Variants in NCALD observed in about 807,000 individuals in gnomAD.
NCALD encodes neurocalcin delta, also known as neurocalcin-delta.
A neutral mutation model predicts 18.6 loss-of-function variants in NCALD; 10 were observed. The observed-to-expected ratio is 0.54, with a 90% CI of 0.33 to 0.91. NCALD has a LOEUF of 0.91. Ranked by LOEUF, NCALD falls within the 40% of genes least tolerant of loss-of-function variation. NCALD has a pLI of 0.03. For synonymous variants in NCALD, 88 were observed against 87.4 expected (o/e 1.01, Z -0.04); for missense variants, 184 against 247.6 (o/e 0.74, Z 1.72).
At chr8:101,895,938 C>G (rs1000079563) in intron 3 of NCALD, among the ~76,000 whole-genome samples, 1 of 150,684 alleles carries the variant, frequency 6.6e-6, no homozygotes, top group Non-Finnish European at 1.5e-5. Flanking sequence ...GGCCATACTG[C>G]CCAAGGTAAT....
At chr8:101,767,192 T>C (rs1811384347) in intron 1 of NCALD, among the ~76,000 whole-genome samples, 1 of 152,204 alleles carries the variant, frequency 6.6e-6, no homozygotes, top group Non-Finnish European at 1.5e-5. Context: ...TTTGGTTATC[T>C]GTAAAGTCAA....
At chr8:101,801,963 G>A (rs1164133827) in intron 4 of NCALD, among the ~76,000 whole-genome samples, 1 of 152,056 alleles carries the variant, frequency 6.6e-6, no homozygotes, top group East Asian at 1.9e-4. Flanking sequence ...ACCGCGCCCG[G>A]CCAGCATACT....
chr8:101,999,624 T>C (rs1246223207), intron 2 of NCALD, among the ~76,000 whole-genome samples: 1 of 151,818 alleles, frequency 6.6e-6, no homozygotes, highest in Non-Finnish European at 1.5e-5. Context: ...AAAGAACTTA[T>C]CAATGTAACC....
chr8:102,104,469 T>C (rs1044565181), intron 1 of NCALD, among the ~76,000 whole-genome samples: 22 of 152,088 alleles, frequency 1.4e-4, no homozygotes, highest in African/African-American at 5.1e-4. Context: ...CCATTTTCTT[T>C]GACTTAATAT....
At chr8:101,895,646 G>C (rs1189454609) in intron 3 of NCALD, among the ~76,000 whole-genome samples, 1 of 148,328 alleles carries the variant, frequency 6.7e-6, no homozygotes, top group Admixed American at 6.7e-5. Context: ...TCCTTAAGCT[G>C]ATAAGCAACT....
chr8:101,795,925 A>C (rs552239748), upstream of NCALD, among the ~76,000 whole-genome samples: 102 of 152,340 alleles, frequency 6.7e-4, no homozygotes, highest in Middle Eastern at 3.4e-3. Flanking sequence ...CCAATTCCTA[A>C]ACGGCATAAG....
intron 2 of NCALD, among the ~76,000 whole-genome samples, chr8:101,699,952 T>C (rs1247692310): frequency 1.3e-5 from 2 of 152,212 alleles, no homozygotes; most frequent in Non-Finnish European, 2.9e-5. Flanking sequence ...TTGTAAATTA[T>C]TTAATAATTA....
At chr8:101,972,990 A>T (rs1052849756) in intron 2 of NCALD, among the ~76,000 whole-genome samples, 1 of 152,176 alleles carries the variant, frequency 6.6e-6, no homozygotes, top group Admixed American at 6.5e-5. Flanking sequence ...AAAGTGCTCC[A>T]TGAAAAAATT....
chr8:102,116,149 C>A (rs915082835), intron 1 of NCALD, among the ~76,000 whole-genome samples: 1 of 152,030 alleles, frequency 6.6e-6, no homozygotes, highest in African/African-American at 2.4e-5. Context: ...AGGAGATATA[C>A]CTAATGTAAA....
chr8:101,985,199 C>G (rs1820761749), intron 2 of NCALD, among the ~76,000 whole-genome samples: 1 of 152,168 alleles, frequency 6.6e-6, no homozygotes, highest in African/African-American at 2.4e-5. Context: ...GACAGGGCTC[C>G]CCTCACCCCG....
chr8:102,037,503 T>G (rs775859720), intron 1 of NCALD, among the ~76,000 whole-genome samples: 17 of 152,320 alleles, frequency 1.1e-4, no homozygotes, highest in Non-Finnish European at 2.1e-4. Context: ...TGTGTGTAGA[T>G]AGACATAATA....
chr8:101,750,494 G>A (rs189406825), intron 1 of NCALD: 14 of 152,342 alleles, frequency 9.2e-5, no homozygotes, highest in African/African-American at 3.1e-4. Flanking sequence ...AAGGGCGACT[G>A]GCAGAGCAGG....
intron 4 of NCALD, among the ~76,000 whole-genome samples, chr8:101,816,242 T>C (rs73275574): frequency 0.01 from 1,540 of 152,240 alleles, 27 homozygotes; most frequent in African/African-American, 0.035. Context: ...TATTTCACTG[T>C]GGTATAAGGA....
At chr8:101,692,707 C>A (rs1408525390) in intron 3 of NCALD, 84 bp downstream of exon 3, 3 of 1,459,398 alleles carry the variant, frequency 2.1e-6, no homozygotes, top group Middle Eastern at 1.9e-4. Context: ...ATTGAAGGGC[C>A]TCGAGTGGCA....
intron 1 of NCALD, among the ~76,000 whole-genome samples, chr8:102,065,387 C>A (rs925825993): frequency 6.6e-6 from 1 of 152,184 alleles, no homozygotes; most frequent in African/African-American, 2.4e-5. Context: ...CAACTCCAGG[C>A]ACTCAGCCTT....
At chr8:101,760,594 G>A (rs62517305) in intron 1 of NCALD, among the ~76,000 whole-genome samples, 24 of 152,276 alleles carry the variant, frequency 1.6e-4, no homozygotes, top group Non-Finnish European at 3.2e-4. Context: ...GCGTGCATTC[G>A]TGAAATTCCA....
chr8:101,842,740 T>C (rs554563197), intron 4 of NCALD, among the ~76,000 whole-genome samples: 1 of 152,326 alleles, frequency 6.6e-6, no homozygotes, highest in Admixed American at 6.5e-5. Context: ...AACTAGGGCA[T>C]GTGGCCAGCC....
intron 1 of NCALD, among the ~76,000 whole-genome samples, chr8:101,770,546 G>A (rs1434387137): frequency 2.0e-5 from 3 of 152,150 alleles, no homozygotes; most frequent in Non-Finnish European, 4.4e-5. Flanking sequence ...CTGCAAAGAA[G>A]AAGCAGGCTG....
intron 1 of NCALD, among the ~76,000 whole-genome samples, chr8:101,783,519 C>G (rs541110129): frequency 6.6e-6 from 1 of 152,286 alleles, no homozygotes; most frequent in East Asian, 1.9e-4. Context: ...GCCCTAGAAG[C>G]ATAGGAAATG....
Sources: gnomAD v4.1 joint callset for allele counts (sites outside exome capture counted in the v4.1 genomes callset) on GRCh38, gnomAD v4.1.1 for gene constraint, MANE v1.5 for transcripts, NCBI Gene and HGNC (gene_info 2026-07-23, HGNC 2026-07-21) for gene names.